The following BICRA variants were observed in gnomAD, a reference collection of about 807,000 sequenced individuals.
BICRA encodes the protein BRD4 interacting chromatin remodeling complex associated protein, also known as BRD4-interacting chromatin-remodeling complex-associated protein.
In BICRA, 31 loss-of-function variants were observed where a neutral mutation model predicts 96.9. The ratio of observed to expected loss-of-function variants is 0.32; its 90% CI spans 0.24 to 0.43. BICRA has a LOEUF of 0.43. BICRA is among the 20% of genes least tolerant of loss of function. The pLI, the probability that BICRA is intolerant of heterozygous loss-of-function variation, is 1.00. For synonymous variants in BICRA, 1,350 were observed against 1,071.8 expected, an observed-to-expected ratio of 1.26 and a Z score of -5.07; for missense variants, 2,283 against 2,190.3, an observed-to-expected ratio of 1.04 and a Z score of -0.84.
intron 7 of BICRA, among the ~76,000 whole-genome samples, chr19:47,683,214 C>T (rs1349132405): frequency 6.6e-6 from 1 of 152,148 alleles, no homozygotes; most frequent in East Asian, 1.9e-4. Context: ...CAAATTGCCG[C>T]CTGTGGAGTG....
At chr19:47,676,477 TCCACA>T (rs1972942578) in intron 5 of BICRA, among the ~76,000 whole-genome samples, 1 of 151,982 alleles carries the variant, frequency 6.6e-6, no homozygotes, top group African/African-American at 2.4e-5. Flanking sequence ...GTGCCAGTTG[TCCACA>T]CCACGGTGGC....
intron 1 of BICRA, among the ~76,000 whole-genome samples, chr19:47,613,299 C>G (rs1402837255): frequency 6.6e-6 from 1 of 152,140 alleles, no homozygotes; most frequent in Non-Finnish European, 1.5e-5. Flanking sequence ...CTCTCAACCC[C>G]CACCCGCCAG....
intron 6 of BICRA, 35 bp downstream of exon 6, chr19:47,681,311 G>A (rs1327169912): frequency 1.3e-6 from 2 of 1,533,796 alleles, no homozygotes; most frequent in African/African-American, 1.4e-5. Flanking sequence ...AGGTACCGGA[G>A]GAGGCGGGTT....
chr19:47,657,944 C>T (rs75121189), intron 1 of BICRA, among the ~76,000 whole-genome samples: 4 of 150,960 alleles, frequency 2.6e-5, no homozygotes, highest in East Asian at 3.9e-4. Context: ...TTTTTTTTCC[C>T]TGAGTCTGTT....
chr19:47,698,992 C>T lies in BICRA; in HGVS notation c.3425C>T (p.Thr1142Met), dbSNP rs1446116977. The T allele has an allele frequency of 3.8e-6, 6 of 1,586,442 alleles. No homozygotes were observed. The highest frequency in any genetic ancestry group is 5.1e-6 in the Non-Finnish European group (6 of 1,166,892). ...KVDEEFETVSTQLLKRTQAML... is the reference protein window; with the variant it reads ...KVDEEFETVSMQLLKRTQAML... ...GACGAGGAGTTTGAGACGGTCTCCA[C>T]GCAGCTGCTGAAACGCACCCAGGCC... Residue 1142 changes from threonine to methionine, a missense_variant, in exon 13 of 15, where the codon ACG becomes ATG. Physicochemically the swap from Thr to Met is moderately conservative, Grantham distance 81. Transcript: ENST00000594866. The surrounding 1 kb of genome is among the most constrained non-coding windows in gnomAD (Gnocchi z 4.8).
intron 1 of BICRA, among the ~76,000 whole-genome samples, chr19:47,648,408 A>G (rs1972493764): frequency 6.6e-6 from 1 of 151,878 alleles, no homozygotes; most frequent in Non-Finnish European, 1.5e-5. Flanking sequence ...TATTTACACA[A>G]AGCGAACAAA....
At chr19:47,611,006 G>A (rs1345028602) in intron 1 of BICRA, among the ~76,000 whole-genome samples, 1 of 152,110 alleles carries the variant, frequency 6.6e-6, no homozygotes, top group African/African-American at 2.4e-5. Context: ...TTACACGCTG[G>A]CCACAGTCCA....
chr19:47,608,714 C>T (rs1412050822), upstream of BICRA, among the ~76,000 whole-genome samples: 2 of 151,578 alleles, frequency 1.3e-5, no homozygotes, highest in Non-Finnish European at 2.9e-5. Flanking sequence ...GCCCAGTCCC[C>T]GGACGTCCGC....
chr19:47,701,258 C>T lies in BICRA; in HGVS notation c.3596-70C>T. 1.8e-6 allele frequency: 2 copies of T among 1,092,468 alleles called. No homozygotes were observed. The highest frequency in any genetic ancestry group is 1.3e-5 in the South Asian group (1 of 76,488). The allele number at this position is 1,092,468 out of a possible 1,614,324, so 67.7% of individuals were successfully genotyped here. A position where few individuals can be genotyped will look rare whatever the true frequency, so the allele number is the denominator to read the frequency against. ...GCAGGTAGTAGGTGCTCACTGCACA[C>T]AGCTCCTCCCAGCTCGGTCGGGGGG... On this transcript the variant is annotated intron_variant, in intron 14 of 14. Transcript: ENST00000594866. This position sits in a 1 kb window ranked among gnomAD's most constrained non-coding sequence, Gnocchi z 5.4.
chr19:47,668,178 C>T (rs957926559), intron 1 of BICRA, among the ~76,000 whole-genome samples: 4 of 152,134 alleles, frequency 2.6e-5, no homozygotes, highest in African/African-American at 9.7e-5. Flanking sequence ...TGCAGTGAGC[C>T]GAGATCGCGT....
At chr19:47,621,213 A>G (rs1972060085) in intron 1 of BICRA, among the ~76,000 whole-genome samples, 2 of 152,072 alleles carry the variant, frequency 1.3e-5, no homozygotes, top group African/African-American at 4.8e-5. Context: ...CAGTTGTAAG[A>G]TGCAGCTTCC....
chr19:47,648,196 T>G (rs1478280830), intron 1 of BICRA, among the ~76,000 whole-genome samples: 1 of 151,756 alleles, frequency 6.6e-6, no homozygotes, highest in Non-Finnish European at 1.5e-5. Flanking sequence ...CCCTATAGAT[T>G]GGGCGTCTCT....
At chr19:47,609,844 C>G (rs547312859) in intron 1 of BICRA, among the ~76,000 whole-genome samples, 4 of 152,012 alleles carry the variant, frequency 2.6e-5, no homozygotes, top group Admixed American at 1.3e-4. Flanking sequence ...GGGGCTCCCC[C>G]CTTCGCACCG....
chr19:47,652,568 C>T (rs1042985715), intron 1 of BICRA, among the ~76,000 whole-genome samples: 3 of 152,120 alleles, frequency 2.0e-5, no homozygotes, highest in Non-Finnish European at 2.9e-5. Flanking sequence ...TCCAAGAATC[C>T]CAGGTTCTAA....
rs751024128 is a variant in BICRA at position 47,694,587 on chromosome 19, C to T, written c.2756C>T (p.Ser919Phe). ...CCACCCAGCCAGGGGCCCCACAAGT[C>T]CCCCACTCCCCCTCCAACCCTCCAC... ...QFPPSQGPHK[S>F]PTPPPTLHLV... Residue 919 changes from serine to phenylalanine, a missense_variant, in exon 8 of 15, where the codon TCC (serine) becomes TTC (phenylalanine). Coordinates refer to ENST00000594866, the MANE Select transcript of BICRA (RefSeq NM_001394372.1). The T allele has an allele frequency of 7.7e-6, 12 of 1,565,882 alleles. No homozygotes were observed. Among genetic ancestry groups the T allele is most frequent in the Non-Finnish European group, 1.1e-5 (12 of 1,138,030 alleles).
rs1278247272 is a variant in BICRA at position 47,680,142 on chromosome 19, G to T, written c.972G>T (p.Pro324=). 2.0e-6 allele frequency: 3 copies of T among 1,523,682 alleles called. No individual in the cohort carries two copies. The highest frequency in any genetic ancestry group is 1.7e-4 in the Middle Eastern group (1 of 5,854). The allele number at this position is 1,523,682 out of a possible 1,614,324, so 94.4% of individuals were successfully genotyped here. A position where few individuals can be genotyped will look rare whatever the true frequency, so the allele number is the denominator to read the frequency against. ...CCACCGGGACGCCCTCGGGACAGCC[G>T]CTGGCGGTGGCCCCAGGCCTCGGCT... ...SAPTGTPSGQ[P]LAVAPGLGSS... is the part of the protein sequence containing the mutation. Residue 324 remains proline (P), a synonymous_variant, in exon 6 of 15, where the codon CCG becomes CCT. Coordinates refer to ENST00000594866, the MANE Select transcript of BICRA (RefSeq NM_001394372.1).
At chr19:47,638,649 GTTTGT>G (rs893263069) in intron 1 of BICRA, among the ~76,000 whole-genome samples, 17 of 151,884 alleles carry the variant, frequency 1.1e-4, no homozygotes, top group Admixed American at 2.6e-4. Context: ...TTTAAGGCAG[GTTTGT>G]TTTGTTTTGT....
intron 4 of BICRA, 118 bp downstream of exon 4, chr19:47,673,880 G>A (rs1469557112): frequency 9.0e-6 from 8 of 884,346 alleles, no homozygotes; most frequent in East Asian, 4.8e-5. Flanking sequence ...GGCTTCTAAC[G>A]CCAGGCACTG....
chr19:47,615,586 G>C (rs951529108), intron 1 of BICRA: 1 of 139,704 alleles, frequency 7.2e-6, no homozygotes, highest in South Asian at 2.2e-4. Flanking sequence ...CCTCTATTAA[G>C]TGGGTTCATA....
Sources: gnomAD v4.1 joint callset for allele counts (sites outside exome capture counted in the v4.1 genomes callset) on GRCh38, gnomAD v4.1.1 for gene constraint, Gnocchi (gnomAD v3.1) non-coding constraint, MANE v1.5 for transcripts, NCBI Gene and HGNC (gene_info 2026-07-23, HGNC 2026-07-21) for gene names.